Variants in RBFOX1 observed in about 807,000 individuals in gnomAD.
RBFOX1 encodes RNA binding protein fox-1 homolog 1.
Under a neutral mutation model 57.7 loss-of-function variants are expected in RBFOX1, and 8 were observed. The ratio of observed to expected loss-of-function variants is 0.14; its 90% CI spans 0.08 to 0.25. RBFOX1 has a LOEUF of 0.25. RBFOX1 is among the 10% of genes least tolerant of loss of function. The probability of loss-of-function intolerance (pLI) is 1.00; values close to 1 mark genes in which losing one functional copy is unlikely to be tolerated. For synonymous variants in RBFOX1, 326 were observed against 222.4 expected, an observed-to-expected ratio of 1.47 and a Z score of -4.15; for missense variants, 611 against 548.5, an observed-to-expected ratio of 1.11 and a Z score of -1.14.
Position 5,614,266 on chromosome 16 carries a change from A to G in RBFOX1, c.318+15305A>G, listed in dbSNP as rs559415801. On this transcript the variant is annotated intron_variant, in intron 3 of 19. Coordinates refer to the RBFOX1 transcript ENST00000641259. ...AAACTAGAAGAAAACAAATTTGCACATGGACTAAACAGAAACTTCATTTCC... is the reference window on the plus strand; with the variant it reads ...AAACTAGAAGAAAACAAATTTGCACGTGGACTAAACAGAAACTTCATTTCC... Among the ~76,000 whole-genome samples, 80 of 152,266 alleles carry G rather than the reference A, an allele frequency of 5.3e-4. 1 individual carries two copies. In the South Asian group the frequency reaches 0.01, roughly 20 times the overall value.
intron 4 of RBFOX1, among the ~76,000 whole-genome samples, chr16:5,962,818 GTT>G (rs55961605): frequency 0.11 from 15,450 of 135,288 alleles, 1,106 homozygotes; most frequent in African/African-American, 0.21. Flanking sequence ...TGAGGGTTTG[GTT>G]TTTTTTTTTT....
At chr16:7,114,556 G>C (rs1015955676) in intron 4 of RBFOX1, among the ~76,000 whole-genome samples, 2 of 152,156 alleles carry the variant, frequency 1.3e-5, no homozygotes, top group Admixed American at 6.5e-5. Context: ...AGCCTAATGA[G>C]AAATTGAATA....
intron 3 of RBFOX1, among the ~76,000 whole-genome samples, chr16:6,967,621 A>G (rs7191688): frequency 0.021 from 3,173 of 152,108 alleles, 123 homozygotes; most frequent in African/African-American, 0.072. Context: ...TACTCAGTAC[A>G]CTTCGCTGTT....
chr16:5,798,343 A>G (rs1396456863), intron 3 of RBFOX1, among the ~76,000 whole-genome samples: 4 of 152,238 alleles, frequency 2.6e-5, no homozygotes, highest in South Asian at 2.1e-4. Flanking sequence ...ATTTCTCCCT[A>G]TTGTGTGCTT....
At chr16:7,290,460 C>T (rs1158486735) in intron 4 of RBFOX1, among the ~76,000 whole-genome samples, 1 of 152,194 alleles carries the variant, frequency 6.6e-6, no homozygotes, top group African/African-American at 2.4e-5. Flanking sequence ...CGTAGTTGAG[C>T]ACTGTATCTC....
intron 1 of RBFOX1, among the ~76,000 whole-genome samples, chr16:6,266,898 T>G (rs866384963): frequency 3.9e-5 from 6 of 152,174 alleles, no homozygotes; most frequent in African/African-American, 1.4e-4. Context: ...GGAAGCTTGA[T>G]TGATTCGCTT....
chr16:7,117,663 C>T (rs2066207347), intron 4 of RBFOX1, among the ~76,000 whole-genome samples: 1 of 152,164 alleles, frequency 6.6e-6, no homozygotes, highest in South Asian at 2.1e-4. Context: ...AGCACATTAC[C>T]ACCTGCAGAA....
chr16:6,864,856 G>C (rs1355428563), intron 3 of RBFOX1, among the ~76,000 whole-genome samples: 1 of 151,662 alleles, frequency 6.6e-6, no homozygotes, highest in Non-Finnish European at 1.5e-5. Flanking sequence ...TTTTATCTGA[G>C]GTCATGTGAA....
intron 4 of RBFOX1, among the ~76,000 whole-genome samples, chr16:7,437,408 T>C (rs986426429): frequency 2.0e-5 from 3 of 152,102 alleles, no homozygotes; most frequent in Admixed American, 6.6e-5. Context: ...CATGTCAGAT[T>C]CTGTGGAAAG....
At chr16:7,241,878 A>T (rs954020508) in intron 4 of RBFOX1, among the ~76,000 whole-genome samples, 5 of 152,204 alleles carry the variant, frequency 3.3e-5, no homozygotes, top group African/African-American at 9.6e-5. Context: ...GCATATAAAT[A>T]TACTTATATG....
intron 4 of RBFOX1, among the ~76,000 whole-genome samples, chr16:5,955,821 A>C (rs1377393349): frequency 6.6e-6 from 1 of 152,332 alleles, no homozygotes; most frequent in Middle Eastern, 3.4e-3. Context: ...CCGGAAAACT[A>C]ATATATATGA....
intron 2 of RBFOX1, among the ~76,000 whole-genome samples, chr16:6,487,281 C>T (rs187248488): frequency 6.6e-4 from 100 of 151,944 alleles, no homozygotes; most frequent in Non-Finnish European, 1.1e-3. Flanking sequence ...ACAGAAAGCC[C>T]AATTTCACTG....
At chr16:6,647,936 G>C (rs1358963069) in intron 2 of RBFOX1, among the ~76,000 whole-genome samples, 2 of 152,084 alleles carry the variant, frequency 1.3e-5, no homozygotes, top group South Asian at 2.1e-4. Flanking sequence ...CAGTCTACAG[G>C]GTTTAAGTGA....
chr16:5,586,274 T>G (rs770311412), intron 2 of RBFOX1, among the ~76,000 whole-genome samples: 9 of 152,154 alleles, frequency 5.9e-5, no homozygotes, highest in Non-Finnish European at 1.2e-4. Context: ...ATTTCACTTA[T>G]TTTAGACCAC....
intron 3 of RBFOX1, among the ~76,000 whole-genome samples, chr16:6,881,493 T>C (rs1328781115): frequency 6.6e-6 from 1 of 152,134 alleles, no homozygotes; most frequent in Non-Finnish European, 1.5e-5. Flanking sequence ...GTCAGCTACA[T>C]AGAGAGCCTG....
At position 6,307,740 on chromosome 16, in the gene RBFOX1, C is replaced by A. The variant is rs189541389; in HGVS notation, c.-126-9255C>A. 3.5e-4 allele frequency among the ~76,000 whole-genome samples: 51 copies of A among 143,846 alleles called. 1 individual carries two copies. The highest frequency in any genetic ancestry group is 1.2e-3 in the African/African-American group (48 of 39,876). 94.4% of individuals were successfully genotyped at this position (143,846 alleles called of 152,430 possible). A position where few individuals can be genotyped will look rare whatever the true frequency, so the allele number is the denominator to read the frequency against. On this transcript the variant is annotated intron_variant, in intron 1 of 15. Transcript: ENST00000550418. Reference sequence around the variant, plus strand: ...ATTTCTCTATTTTGATAATTATTTCCATATTTTATACATGATGATTGTTTA... The same window carrying A: ...ATTTCTCTATTTTGATAATTATTTCAATATTTTATACATGATGATTGTTTA...
intron 14 of RBFOX1, among the ~76,000 whole-genome samples, chr16:7,687,391 C>G (rs929819301): frequency 5.3e-5 from 8 of 152,008 alleles, no homozygotes; most frequent in Admixed American, 5.3e-4. Context: ...GTCCAAGATA[C>G]TCCAGTGATT....
At chr16:6,739,192 T>C (rs1007646532) in intron 3 of RBFOX1, among the ~76,000 whole-genome samples, 1 of 151,496 alleles carries the variant, frequency 6.6e-6, no homozygotes, top group Non-Finnish European at 1.5e-5. Context: ...AAATGCTAGT[T>C]CTTTAAAAAT....
chr16:6,479,887 T>C (rs1164967706), intron 2 of RBFOX1, among the ~76,000 whole-genome samples: 5 of 151,462 alleles, frequency 3.3e-5, no homozygotes, highest in Non-Finnish European at 5.9e-5. Flanking sequence ...CCATCTCTAC[T>C]AAAAATACAA....
Sources: gnomAD v4.1 joint callset for allele counts (sites outside exome capture counted in the v4.1 genomes callset) on GRCh38, gnomAD v4.1.1 for gene constraint, MANE v1.5 for transcripts, NCBI Gene and HGNC (gene_info 2026-07-23, HGNC 2026-07-21) for gene names.